Variants in ACTN2 observed in about 807,000 individuals in gnomAD.
The protein encoded by ACTN2 is actinin alpha 2, also known as alpha-actinin-2.
A neutral mutation model predicts 113.8 loss-of-function variants in ACTN2; 39 were observed. The ratio of observed to expected loss-of-function variants is 0.34; its 90% CI spans 0.27 to 0.45. ACTN2 has a LOEUF of 0.45. ACTN2 is among the 20% of genes least tolerant of loss of function. The probability of loss-of-function intolerance (pLI) is 1.00; values close to 1 mark genes in which losing one functional copy is unlikely to be tolerated. For missense variants in ACTN2, 992 were observed against 1,177.9 expected (o/e 0.84, Z 2.31); for synonymous variants, 429 against 444.1 (o/e 0.97, Z 0.43).
At chr1:236,735,496 A>T in intron 7 of ACTN2, 139 bp from the exon 8 acceptor site, 1 of 766,104 alleles carries the variant, frequency 1.3e-6, no homozygotes, top group Non-Finnish European at 2.3e-6. Flanking sequence ...GTTCGGGACC[A>T]CGGGCCCATG....
chr1:236,727,894 C>T (rs922674852), intron 6 of ACTN2, 138 bp downstream of exon 6: 2 of 779,044 alleles, frequency 2.6e-6, no homozygotes, highest in East Asian at 2.7e-5. Flanking sequence ...GCACATTCTC[C>T]CAGCTAGCCT....
rs1659760276 is a variant in ACTN2, at chr1:236,763,173, G to C, written c.*554G>C. ...AATATTGTGAGATGGAACTGCCGGG[G>C]ATTAAAAAGACTACCCAAAAGATTT... On this transcript the variant is annotated 3_prime_UTR_variant, in exon 21 of 21. Coordinates refer to ENST00000366578, the MANE Select transcript of ACTN2 (RefSeq NM_001103.4). The C allele has an allele frequency of 6.3e-6, 1 of 159,196 alleles. No homozygotes were observed. Among genetic ancestry groups the C allele is most frequent in the South Asian group, 1.8e-4 (1 of 5,622 alleles). The allele number at this position is 159,196 out of a possible 1,614,324, so 9.9% of individuals were successfully genotyped here.
chr1:236,703,136 C>T (rs917197798), intron 1 of ACTN2, among the ~76,000 whole-genome samples: 8 of 152,016 alleles, frequency 5.3e-5, no homozygotes, highest in Non-Finnish European at 1.2e-4. Flanking sequence ...TTGGGTCTGC[C>T]CTGTCACAGA....
intron 1 of ACTN2, among the ~76,000 whole-genome samples, chr1:236,701,791 A>G (rs902706074): frequency 2.6e-5 from 4 of 152,202 alleles, no homozygotes; most frequent in East Asian, 3.8e-4. Context: ...ATTTATTTCT[A>G]TGTTCAGGCA....
intron 20 of ACTN2, among the ~76,000 whole-genome samples, chr1:236,762,212 C>G (rs1464777792): frequency 1.3e-5 from 2 of 152,076 alleles, no homozygotes; most frequent in African/African-American, 4.8e-5. Context: ...AGTTTGAGAA[C>G]TACTAGTAAT....
intron 6 of ACTN2, among the ~76,000 whole-genome samples, chr1:236,730,032 G>A (rs922036255): frequency 6.6e-6 from 1 of 152,166 alleles, no homozygotes; most frequent in African/African-American, 2.4e-5. Context: ...GAAATCCCAC[G>A]TGCACATTTA....
chr1:236,741,809 A>G (rs1032006160), intron 10 of ACTN2, among the ~76,000 whole-genome samples: 8 of 152,108 alleles, frequency 5.3e-5, no homozygotes, highest in African/African-American at 1.7e-4. Flanking sequence ...AAAAATGTGA[A>G]TCAGATCTCA....
intron 1 of ACTN2, among the ~76,000 whole-genome samples, chr1:236,689,074 G>A (rs1178194395): frequency 1.3e-5 from 2 of 152,114 alleles, no homozygotes; most frequent in South Asian, 2.1e-4. Context: ...TTATAAAAGT[G>A]TAATGAGTTT....
chr1:236,698,175 T>C (rs949446435), intron 1 of ACTN2, among the ~76,000 whole-genome samples: 4 of 151,952 alleles, frequency 2.6e-5, no homozygotes, highest in Non-Finnish European at 5.9e-5. Flanking sequence ...AGAATGGTCA[T>C]TGATAGGCTT....
intron 10 of ACTN2, among the ~76,000 whole-genome samples, chr1:236,740,275 G>C (rs2385493): frequency 0.46 from 69,961 of 150,794 alleles, 19,068 homozygotes; most frequent in Non-Finnish European, 0.61. Context: ...CACCACGCCC[G>C]GCTAATTTTT....
intron 6 of ACTN2, among the ~76,000 whole-genome samples, chr1:236,729,917 A>G (rs1188961819): frequency 2.0e-5 from 3 of 152,246 alleles, no homozygotes; most frequent in Admixed American, 2.0e-4. Flanking sequence ...AAAGCAGAAA[A>G]ATGATAATAC....
Position 236,717,906 on chromosome 1 carries a change from A to G in ACTN2, c.175A>G (p.Ile59Val), listed in dbSNP as rs1412151385. The G allele has an allele frequency of 2.5e-6, 4 of 1,614,022 alleles. No individual in the cohort carries two copies. Among genetic ancestry groups the G allele is most frequent in the Non-Finnish European group, 3.4e-6 (4 of 1,180,036 alleles). Residue 59 changes from isoleucine to valine, a missense_variant, in exon 2 of 21, where the codon ATT becomes GTT. By Grantham distance (29) the Ile-to-Val change is conservative (BLOSUM62 3). Around this residue, in one of 3 missense-constraint regions of ACTN2, gnomAD observed 220 missense variants for 337.5 expected, o/e 0.65. Coordinates refer to ENST00000366578, the MANE Select transcript of ACTN2 (RefSeq NM_001103.4). The part of the protein sequence containing the change: ...NSHLRKAGTQ[I>V]ENIEEDFRNG... Reference sequence around the variant, plus strand: ...CCACCTAAGGAAAGCCGGCACCCAGATTGAGAACATCGAGGAAGACTTCAG... The same window carrying G: ...CCACCTAAGGAAAGCCGGCACCCAGGTTGAGAACATCGAGGAAGACTTCAG...
chr1:236,739,190 G>T, intron 9 of ACTN2, 112 bp from the exon 10 acceptor site: 1 of 1,140,206 alleles, frequency 8.8e-7, no homozygotes, highest in Non-Finnish European at 1.3e-6. Context: ...ACATCTCAGT[G>T]ATTTTAGGAA....
Position 236,754,480 on chromosome 1 carries a change from A to G in ACTN2, c.1974+399A>G, listed in dbSNP as rs1659494627. Among the ~76,000 whole-genome samples, 3 of 152,236 alleles carry G rather than the reference A, an allele frequency of 2.0e-5. No homozygotes were observed. The highest frequency in any genetic ancestry group is 2.0e-4 in the Admixed American group (3 of 15,282). Reference sequence around the variant, plus strand: ...AACATTTCAGGGACAGTGGTCTTTAAGTAACCCTGTTGTCCTTTGATCACC... The same window carrying G: ...AACATTTCAGGGACAGTGGTCTTTAGGTAACCCTGTTGTCCTTTGATCACC... On this transcript the variant is annotated intron_variant, in intron 16 of 20. Transcript: ENST00000366578. This position sits in a 1 kb window ranked among gnomAD's most constrained non-coding sequence, Gnocchi z 4.9.
chr1:236,753,632 G>A (rs1157714709), intron 15 of ACTN2, among the ~76,000 whole-genome samples: 1 of 152,136 alleles, frequency 6.6e-6, no homozygotes, highest in African/African-American at 2.4e-5. Flanking sequence ...TGTGCAGCAG[G>A]CCTAGAGCCT....
chr1:236,713,424 T>C (rs1349112440), intron 1 of ACTN2, among the ~76,000 whole-genome samples: 1 of 152,132 alleles, frequency 6.6e-6, no homozygotes, highest in Non-Finnish European at 1.5e-5. Flanking sequence ...ACAGGGTTTC[T>C]CCGTGTTGGT....
intron 2 of ACTN2, among the ~76,000 whole-genome samples, chr1:236,718,327 ATGT>A (rs1452751788): frequency 3.3e-5 from 5 of 152,240 alleles, no homozygotes; most frequent in African/African-American, 1.2e-4. Flanking sequence ...TCTACTGTAC[ATGT>A]TGGCAGAACT....
At chr1:236,721,306 A>G (rs1006794287) in intron 4 of ACTN2, among the ~76,000 whole-genome samples, 5 of 151,934 alleles carry the variant, frequency 3.3e-5, no homozygotes, top group East Asian at 1.9e-4. Flanking sequence ...GATTACAGGC[A>G]TGAGACTCTG....
intron 4 of ACTN2, among the ~76,000 whole-genome samples, chr1:236,721,995 G>T (rs767896295): frequency 6.6e-6 from 1 of 151,868 alleles, no homozygotes; most frequent in Non-Finnish European, 1.5e-5. Context: ...AAAATTTTGC[G>T]ATAAAAGGCT....
Sources: gnomAD v4.1 joint callset for allele counts (sites outside exome capture counted in the v4.1 genomes callset) on GRCh38, gnomAD v4.1.1 for gene constraint, gnomAD v4.1.1 regional missense constraint, Gnocchi (gnomAD v3.1) non-coding constraint, MANE v1.5 for transcripts, NCBI Gene and HGNC (gene_info 2026-07-23, HGNC 2026-07-21) for gene names.